Variants in PLA2G4A observed in about 807,000 individuals in gnomAD.
The protein encoded by PLA2G4A is phospholipase A2 group IVA.
PLA2G4A carries 40 observed loss-of-function variants against 81.9 expected under a neutral mutation model. The ratio of observed to expected loss-of-function variants is 0.49; its 90% CI spans 0.38 to 0.64. The LOEUF is 0.64. Among genes scored for constraint, PLA2G4A ranks in the 30% least tolerant of loss-of-function variants. The probability of loss-of-function intolerance (pLI) is 0.00; values close to 1 mark genes in which losing one functional copy is unlikely to be tolerated. For synonymous variants in PLA2G4A, 302 were observed against 296.9 expected, an observed-to-expected ratio of 1.02 and a Z score of -0.18; for missense variants, 715 against 905.1, an observed-to-expected ratio of 0.79 and a Z score of 2.69.
intron 3 of PLA2G4A, among the ~76,000 whole-genome samples, chr1:186,889,777 C>CCTT (rs1654070005): frequency 6.6e-6 from 1 of 151,474 alleles, no homozygotes; most frequent in South Asian, 2.1e-4. Context: ...GTTTAGACCT[C>CCTT]TGTACTTCTT....
chr1:186,983,970 TAGAC>T (rs1370330268), intron 17 of PLA2G4A, among the ~76,000 whole-genome samples: 2 of 152,196 alleles, frequency 1.3e-5, no homozygotes, highest in East Asian at 1.9e-4. Context: ...TGGCATGAAA[TAGAC>T]AGTAAATTGA....
intron 13 of PLA2G4A, among the ~76,000 whole-genome samples, chr1:186,952,047 A>G (rs972666391): frequency 1.3e-5 from 2 of 152,130 alleles, no homozygotes; most frequent in African/African-American, 2.4e-5. Flanking sequence ...TTTAAAATTT[A>G]TATATATTTT....
chr1:186,925,295 G>T (rs565831427), intron 7 of PLA2G4A, among the ~76,000 whole-genome samples: 3 of 152,264 alleles, frequency 2.0e-5, no homozygotes, highest in Admixed American at 6.5e-5. Flanking sequence ...ACATATGTTT[G>T]TGTATTGAGA....
chr1:186,890,221 G>GT (rs1372132380), intron 3 of PLA2G4A, among the ~76,000 whole-genome samples: 2 of 152,156 alleles, frequency 1.3e-5, no homozygotes, highest in East Asian at 3.8e-4. Flanking sequence ...CTTAAATATT[G>GT]TAATTGTCGC....
At chr1:186,952,175 A>G (rs998200750) in intron 13 of PLA2G4A, among the ~76,000 whole-genome samples, 5 of 152,152 alleles carry the variant, frequency 3.3e-5, no homozygotes, top group Non-Finnish European at 7.3e-5. Flanking sequence ...TGATTTAGGG[A>G]CTACTGAGGA....
At chr1:186,855,618 C>A (rs1235148218) in intron 2 of PLA2G4A, among the ~76,000 whole-genome samples, 1 of 151,912 alleles carries the variant, frequency 6.6e-6, no homozygotes, top group Non-Finnish European at 1.5e-5. Flanking sequence ...TTATTTTTGA[C>A]CTTCATATAC....
intron 5 of PLA2G4A, among the ~76,000 whole-genome samples, chr1:186,905,905 T>C (rs1292354570): frequency 6.6e-6 from 1 of 152,264 alleles, no homozygotes; most frequent in African/African-American, 2.4e-5. Context: ...CAATCATCTA[T>C]GAACTTATTT....
chr1:186,893,970 T>G, intron 4 of PLA2G4A, 128 bp from the exon 5 acceptor site: 2 of 659,240 alleles, frequency 3.0e-6, no homozygotes, highest in Non-Finnish European at 5.4e-6. Flanking sequence ...AATTAAATAT[T>G]GAGATCTTCA....
chr1:186,970,573 T>C (rs1571456590), intron 15 of PLA2G4A, among the ~76,000 whole-genome samples: 1 of 152,160 alleles, frequency 6.6e-6, no homozygotes, highest in African/African-American at 2.4e-5. Context: ...GATTTTGATT[T>C]GATTTTTATA....
chr1:186,848,732 C>T (rs1230878668), intron 1 of PLA2G4A, among the ~76,000 whole-genome samples: 1 of 151,914 alleles, frequency 6.6e-6, no homozygotes, highest in African/African-American at 2.4e-5. Context: ...TACACACACA[C>T]ACACACACAC....
chr1:186,922,843 T>A (rs1324772900), intron 7 of PLA2G4A, among the ~76,000 whole-genome samples: 1 of 151,960 alleles, frequency 6.6e-6, no homozygotes, highest in Non-Finnish European at 1.5e-5. Flanking sequence ...TCCACTTGAG[T>A]GGGTTGTGAT....
chr1:186,897,051 T>C (rs969047244), intron 5 of PLA2G4A, among the ~76,000 whole-genome samples: 1 of 152,124 alleles, frequency 6.6e-6, no homozygotes, highest in Non-Finnish European at 1.5e-5. Flanking sequence ...AGAGAAGAGA[T>C]GTAAGCCTTG....
chr1:186,848,827 A>AGG (rs1652276352), intron 1 of PLA2G4A, among the ~76,000 whole-genome samples: 1 of 151,996 alleles, frequency 6.6e-6, no homozygotes, highest in African/African-American at 2.4e-5. Context: ...TCTTAAGCAT[A>AGG]TTTCTTGCTT....
At chr1:186,884,504 T>A (rs1256672884) in intron 3 of PLA2G4A, among the ~76,000 whole-genome samples, 2 of 152,060 alleles carry the variant, frequency 1.3e-5, no homozygotes, top group Admixed American at 1.3e-4. Flanking sequence ...AAACACATAT[T>A]AAATTAATTT....
intron 8 of PLA2G4A, among the ~76,000 whole-genome samples, chr1:186,934,461 T>TATATATATATAC (rs1553216883): frequency 7.3e-6 from 1 of 137,688 alleles, no homozygotes; most frequent in African/African-American, 2.7e-5. Flanking sequence ...TATATATATA[T>TATATATATATAC]ATACATACAC....
chr1:186,893,456 C>A (rs1392644659), intron 4 of PLA2G4A, among the ~76,000 whole-genome samples: 3 of 152,052 alleles, frequency 2.0e-5, no homozygotes, highest in African/African-American at 7.2e-5. Flanking sequence ...TTTAAATTGC[C>A]TTTTTAAAAA....
chr1:186,915,164 T>C (rs1181869230), intron 7 of PLA2G4A, among the ~76,000 whole-genome samples: 1 of 152,116 alleles, frequency 6.6e-6, no homozygotes, highest in African/African-American at 2.4e-5. Flanking sequence ...TTTTGTCATA[T>C]CTCTAACTAT....
chr1:186,973,169 G>A (rs1024664082), intron 15 of PLA2G4A, among the ~76,000 whole-genome samples: 2 of 152,186 alleles, frequency 1.3e-5, no homozygotes, highest in Admixed American at 6.5e-5. Context: ...TTCTCTCACA[G>A]TTTCGGAGGG....
chr1:186,865,996 T>C (rs2094043279), intron 2 of PLA2G4A, among the ~76,000 whole-genome samples: 1 of 152,206 alleles, frequency 6.6e-6, no homozygotes, highest in Non-Finnish European at 1.5e-5. Flanking sequence ...TAAGTCGGAT[T>C]GAGCTTAGAT....
Sources: allele counts gnomAD v4.1 joint callset (sites outside exome capture counted in the v4.1 genomes callset), GRCh38; gene constraint gnomAD v4.1.1; transcripts MANE v1.5; gene names NCBI Gene and HGNC (gene_info 2026-07-23, HGNC 2026-07-21).